RAPGEF5: variants seen among roughly 807,000 people sequenced by gnomAD.
The protein encoded by RAPGEF5 is M-Ras-regulated GEF.
In RAPGEF5, 65 loss-of-function variants were observed where a neutral mutation model predicts 125.2. The observed-to-expected ratio is 0.52, with a 90% CI of 0.43 to 0.64. The LOEUF is 0.64. RAPGEF5 is among the 30% of genes least tolerant of loss of function. RAPGEF5 has a pLI of 0.00. For synonymous variants in RAPGEF5, 391 were observed against 385.9 expected (o/e 1.01, Z -0.16); for missense variants, 958 against 1,048.1 (o/e 0.91, Z 1.19).
chr7:22,345,767 T>C (rs531128607), intron 1 of RAPGEF5, among the ~76,000 whole-genome samples: 63 of 149,328 alleles, frequency 4.2e-4, no homozygotes, highest in African/African-American at 1.5e-3. Context: ...GCTTAAACAG[T>C]ACCCAAAAGA....
intron 9 of RAPGEF5, chr7:22,202,960 A>T: frequency 3.2e-6 from 1 of 315,894 alleles, no homozygotes; most frequent in South Asian, 2.5e-5. Flanking sequence ...ACTGTATGCC[A>T]TCCAAGTATA....
intron 9 of RAPGEF5, 61 bp downstream of exon 9, chr7:22,219,805 A>C (rs920181478): frequency 7.7e-5 from 116 of 1,511,822 alleles, no homozygotes; most frequent in Non-Finnish European, 9.8e-5. Flanking sequence ...TCAAACATGC[A>C]ATCAGGCAAA....
chr7:22,153,915 A>G (rs1329694837), intron 17 of RAPGEF5, among the ~76,000 whole-genome samples: 3 of 152,214 alleles, frequency 2.0e-5, no homozygotes, highest in Non-Finnish European at 4.4e-5. Flanking sequence ...AAAACAGACA[A>G]TAAACCATTC....
At chr7:22,348,342 T>C (rs142137964) in intron 1 of RAPGEF5, among the ~76,000 whole-genome samples, 168 of 152,392 alleles carry the variant, frequency 1.1e-3, no homozygotes, top group African/African-American at 3.9e-3. Context: ...TCAATGATTT[T>C]ATTCTATTGT....
intron 18 of RAPGEF5, among the ~76,000 whole-genome samples, chr7:22,149,489 C>T (rs1328156109): frequency 6.6e-6 from 1 of 152,236 alleles, no homozygotes; most frequent in Non-Finnish European, 1.5e-5. Flanking sequence ...TCCTCCTATT[C>T]AGAAGCCAAT....
At chr7:22,239,802 TA>T (rs1287735707) in intron 7 of RAPGEF5, among the ~76,000 whole-genome samples, 1 of 152,190 alleles carries the variant, frequency 6.6e-6, no homozygotes, top group East Asian at 1.9e-4. Context: ...TCGGTTCCTT[TA>T]ATTAGAGCAT....
At chr7:22,226,864 G>A (rs1785931617) in intron 8 of RAPGEF5, among the ~76,000 whole-genome samples, 1 of 152,130 alleles carries the variant, frequency 6.6e-6, no homozygotes, top group Admixed American at 6.5e-5. Context: ...TAGAAATACT[G>A]TGTAATGCTG....
chr7:22,211,682 C>A (rs1446760239), intron 9 of RAPGEF5, among the ~76,000 whole-genome samples: 2 of 152,182 alleles, frequency 1.3e-5, no homozygotes, highest in African/African-American at 4.8e-5. Context: ...CATTCTCCTC[C>A]TTCAAATCTG....
chr7:22,249,280 G>A (rs561615576), intron 7 of RAPGEF5, among the ~76,000 whole-genome samples: 3 of 152,198 alleles, frequency 2.0e-5, no homozygotes, highest in East Asian at 1.9e-4. Flanking sequence ...CAACCTCAGC[G>A]TCCCAGGTTT....
At position 22,334,846 on chromosome 7, in the gene RAPGEF5, T is replaced by A. The variant is rs182945850; in HGVS notation, c.232-16809A>T. Reference sequence around the variant, plus strand: ...AGCTTTTACATTTGTAATCTCTACATTCTTCCTATCCTTCTCTGAAGAATG... The same window carrying A: ...AGCTTTTACATTTGTAATCTCTACAATCTTCCTATCCTTCTCTGAAGAATG... On this transcript the variant is annotated intron_variant, in intron 1 of 25. Transcript: ENST00000665637. Among the ~76,000 whole-genome samples the A allele has an allele frequency of 5.3e-5, 8 of 152,344 alleles. No individual in the cohort carries two copies. In the East Asian group the frequency reaches 1.5e-3, roughly 29 times the overall value.
At chr7:22,240,707 G>A (rs1168845808) in intron 7 of RAPGEF5, among the ~76,000 whole-genome samples, 2 of 151,862 alleles carry the variant, frequency 1.3e-5, no homozygotes, top group Admixed American at 6.6e-5. Context: ...TCAATGTTGT[G>A]TTCTAGTGAC....
chr7:22,178,539 C>T (rs1784579896), intron 11 of RAPGEF5, among the ~76,000 whole-genome samples: 1 of 152,180 alleles, frequency 6.6e-6, no homozygotes, highest in East Asian at 1.9e-4. Flanking sequence ...TAAGGGCTCA[C>T]TAAACTCAGG....
chr7:22,299,483 C>A (rs1261578086), intron 5 of RAPGEF5, among the ~76,000 whole-genome samples: 2 of 151,930 alleles, frequency 1.3e-5, no homozygotes, highest in African/African-American at 4.8e-5. Context: ...ACTGAAAAGC[C>A]CACCAAATGT....
At chr7:22,230,994 C>A in intron 7 of RAPGEF5, 75 bp from the exon 8 acceptor site, 1 of 1,352,540 alleles carries the variant, frequency 7.4e-7, no homozygotes, top group Non-Finnish European at 1.0e-6. Context: ...TTTCAGATCG[C>A]AATTTAGCGG....
At chr7:22,355,648 G>C (rs1784407301) in intron 1 of RAPGEF5, among the ~76,000 whole-genome samples, 1 of 152,114 alleles carries the variant, frequency 6.6e-6, no homozygotes, top group Non-Finnish European at 1.5e-5. Flanking sequence ...AACATCTTCT[G>C]AGATGGACCT....
chr7:22,137,506 G>C (rs1783115147), intron 21 of RAPGEF5, among the ~76,000 whole-genome samples: 1 of 152,192 alleles, frequency 6.6e-6, no homozygotes, highest in African/African-American at 2.4e-5. Context: ...CAAAGTGACA[G>C]GGGATGGAAA....
intron 5 of RAPGEF5, among the ~76,000 whole-genome samples, chr7:22,301,614 C>CAAAAAAA (rs35404390): frequency 2.4e-5 from 2 of 83,804 alleles, no homozygotes; most frequent in African/African-American, 4.7e-5. Context: ...GACTCTGTCT[C>CAAAAAAA]AAAAAAAAAA....
At chr7:22,260,466 A>G (rs1782123276) in intron 7 of RAPGEF5, among the ~76,000 whole-genome samples, 1 of 152,066 alleles carries the variant, frequency 6.6e-6, no homozygotes, top group Non-Finnish European at 1.5e-5. Context: ...TCTATCAAAA[A>G]AAAAGAGAAA....
chr7:22,259,955 G>A (rs1432638373), intron 7 of RAPGEF5, among the ~76,000 whole-genome samples: 3 of 152,156 alleles, frequency 2.0e-5, no homozygotes, highest in East Asian at 1.9e-4. Flanking sequence ...GTGGTGGCAG[G>A]TGCCTGTAAT....
Sources: gnomAD v4.1 joint callset for allele counts (sites outside exome capture counted in the v4.1 genomes callset) on GRCh38, gnomAD v4.1.1 for gene constraint, MANE v1.5 for transcripts, NCBI Gene and HGNC (gene_info 2026-07-23, HGNC 2026-07-21) for gene names.